TAFA1: variants seen among roughly 807,000 people sequenced by gnomAD.
TAFA1 encodes TAFA chemokine like family member 1.
In TAFA1, 4 loss-of-function variants were observed where a neutral mutation model predicts 18.5. The observed-to-expected ratio is 0.22, with a 90% CI of 0.11 to 0.49. The LOEUF (loss-of-function observed/expected upper bound fraction) is 0.49. Ranked by LOEUF, TAFA1 falls within the 20% of genes least tolerant of loss-of-function variation. The pLI is 0.98. For missense variants in TAFA1, 147 were observed against 169.0 expected (o/e 0.87, Z 0.72); for synonymous variants, 56 against 55.2 (o/e 1.01, Z -0.06).
At chr3:68,067,331 A>G (rs2064692250) in intron 2 of TAFA1, among the ~76,000 whole-genome samples, 1 of 151,968 alleles carries the variant, frequency 6.6e-6, no homozygotes, top group African/African-American at 2.4e-5. Flanking sequence ...TCATTTTTTC[A>G]TTAAATATAT....
chr3:68,376,146 T>C (rs929268292), intron 2 of TAFA1, among the ~76,000 whole-genome samples: 1 of 152,164 alleles, frequency 6.6e-6, no homozygotes, highest in African/African-American at 2.4e-5. Context: ...TGTTAATCAA[T>C]TTTATGATAT....
chr3:68,342,030 T>C (rs530536330), intron 2 of TAFA1, among the ~76,000 whole-genome samples: 1 of 152,296 alleles, frequency 6.6e-6, no homozygotes, highest in East Asian at 1.9e-4. Context: ...CATCATCAAA[T>C]GGTTACCATC....
At chr3:68,136,558 G>T (rs1222621385) in intron 2 of TAFA1, among the ~76,000 whole-genome samples, 1 of 152,130 alleles carries the variant, frequency 6.6e-6, no homozygotes, top group East Asian at 1.9e-4. Flanking sequence ...ACCTGGAACG[G>T]CTTCTCCATG....
chr3:68,352,600 G>A (rs1178601505), intron 2 of TAFA1, among the ~76,000 whole-genome samples: 3 of 152,020 alleles, frequency 2.0e-5, no homozygotes, highest in Admixed American at 2.0e-4. Flanking sequence ...AGGACAGAAA[G>A]CATTCTTCCT....
At chr3:68,386,177 C>T (rs923879687) in intron 2 of TAFA1, among the ~76,000 whole-genome samples, 11 of 152,052 alleles carry the variant, frequency 7.2e-5, no homozygotes, top group African/African-American at 1.7e-4. Flanking sequence ...CAGTAACACA[C>T]GATAGATACT....
At chr3:68,057,919 G>C (rs974874853) in intron 2 of TAFA1, among the ~76,000 whole-genome samples, 35 of 152,144 alleles carry the variant, frequency 2.3e-4, no homozygotes, top group African/African-American at 6.8e-4. Context: ...CCTTCAGAAG[G>C]AGTGCAGCCC....
chr3:68,469,759 T>C (rs943677317), intron 3 of TAFA1, among the ~76,000 whole-genome samples: 2 of 152,228 alleles, frequency 1.3e-5, no homozygotes, highest in Admixed American at 1.3e-4. Flanking sequence ...CTGGCTTTGA[T>C]GTTAGATAAC....
At chr3:68,076,929 G>T (rs563053008) in intron 2 of TAFA1, among the ~76,000 whole-genome samples, 1 of 152,162 alleles carries the variant, frequency 6.6e-6, no homozygotes, top group Non-Finnish European at 1.5e-5. Context: ...CACCAACAGT[G>T]TAAAAGTGTT....
At chr3:68,329,574 G>T (rs1364622200) in intron 2 of TAFA1, among the ~76,000 whole-genome samples, 5 of 152,010 alleles carry the variant, frequency 3.3e-5, no homozygotes, top group Admixed American at 3.3e-4. Flanking sequence ...GATCCTTTTT[G>T]CTCTCAAACA....
chr3:68,310,439 A>G (rs2068495768), intron 2 of TAFA1, among the ~76,000 whole-genome samples: 1 of 152,156 alleles, frequency 6.6e-6, no homozygotes, highest in African/African-American at 2.4e-5. Flanking sequence ...ATCTAAGAAA[A>G]CTATGTATAA....
At chr3:68,520,172 T>C (rs867454599) in intron 3 of TAFA1, among the ~76,000 whole-genome samples, 8 of 152,184 alleles carry the variant, frequency 5.3e-5, no homozygotes, top group Non-Finnish European at 1.0e-4. Flanking sequence ...TAGAGCCAAC[T>C]TGAAAATTCA....
At chr3:68,338,365 T>C (rs2069013008) in intron 2 of TAFA1, among the ~76,000 whole-genome samples, 1 of 152,232 alleles carries the variant, frequency 6.6e-6, no homozygotes. Context: ...TTATTAGTGG[T>C]TTCTGAGTTT....
chr3:68,413,191 G>A (rs1424226557), intron 2 of TAFA1, among the ~76,000 whole-genome samples: 2 of 152,124 alleles, frequency 1.3e-5, no homozygotes, highest in Non-Finnish European at 2.9e-5. Context: ...AGAAGTGTCT[G>A]TTCATATCCT....
At chr3:68,532,439 G>C (rs1553700868) in intron 3 of TAFA1, among the ~76,000 whole-genome samples, 1 of 152,026 alleles carries the variant, frequency 6.6e-6, no homozygotes, top group South Asian at 2.1e-4. Flanking sequence ...TCGGAGGGGG[G>C]ATGGAGGGTG....
chr3:68,040,323 A>G (rs1376969220), intron 2 of TAFA1, among the ~76,000 whole-genome samples: 2 of 152,116 alleles, frequency 1.3e-5, no homozygotes, highest in Non-Finnish European at 2.9e-5. Flanking sequence ...TGAGCCAGCC[A>G]ATCACCTTAA....
Position 68,291,198 on chromosome 3 carries a change from C to T in TAFA1, c.119-126082C>T, listed in dbSNP as rs148581647. 8.1e-3 allele frequency among the ~76,000 whole-genome samples: 1,229 copies of T among 152,214 alleles called. 14 individuals carry two copies. Among genetic ancestry groups the T allele is most frequent in the African/African-American group, 0.028 (1,165 of 41,530 alleles). ...GTGTTGAATCGAAATAACTTCAGCT[C>T]ACATTAAAGTTTCCTTTATTACGTT... On this transcript the variant is annotated intron_variant, in intron 2 of 4. Coordinates refer to ENST00000478136, the MANE Select transcript of TAFA1 (RefSeq NM_213609.4).
chr3:68,168,811 C>G (rs1167322470), intron 2 of TAFA1, among the ~76,000 whole-genome samples: 1 of 152,186 alleles, frequency 6.6e-6, no homozygotes, highest in Middle Eastern at 3.4e-3. Flanking sequence ...TTTTTGATTT[C>G]TTATTTATAG....
chr3:68,154,134 T>C (rs1361170972), intron 2 of TAFA1, among the ~76,000 whole-genome samples: 1 of 152,168 alleles, frequency 6.6e-6, no homozygotes, highest in Non-Finnish European at 1.5e-5. Context: ...TGTTCAGGGA[T>C]CCTGGATCTG....
At chr3:68,521,421 C>T (rs748349547) in intron 3 of TAFA1, among the ~76,000 whole-genome samples, 47 of 152,292 alleles carry the variant, frequency 3.1e-4, no homozygotes, top group Admixed American at 1.1e-3. Context: ...TTTCTATGTG[C>T]CAGGCACTCT....
Sources: gnomAD v4.1 joint callset for allele counts (sites outside exome capture counted in the v4.1 genomes callset) on GRCh38, gnomAD v4.1.1 for gene constraint, MANE v1.5 for transcripts, NCBI Gene and HGNC (gene_info 2026-07-23, HGNC 2026-07-21) for gene names.